NRDC: variants seen among roughly 807,000 people sequenced by gnomAD.
NRDC encodes the protein nardilysin.
Under a neutral mutation model 147.1 loss-of-function variants are expected in NRDC, and 54 were observed. The observed-to-expected ratio is 0.37, with a 90% confidence interval of 0.29 to 0.46. The LOEUF is 0.46. Among genes scored for constraint, NRDC ranks in the 20% least tolerant of loss-of-function variants. NRDC has a pLI of 1.00. For missense variants in NRDC, 1,082 were observed against 1,370.6 expected, an observed-to-expected ratio of 0.79 and a Z score of 3.33; for synonymous variants, 440 against 482.1, an observed-to-expected ratio of 0.91 and a Z score of 1.14.
rs764621807 is a variant in NRDC, at chr1:51,823,791, A to G, written c.1037-5T>C. ...GCTTGAGCGTCTCAGCATTTCCTAT[A>G]AAAGAATGAAAAAAATTATAGATAT... On this transcript the variant is annotated splice_region_variant and splice_polypyrimidine_tract_variant and intron_variant, in intron 6 of 30. Transcript: ENST00000352171. The G allele has an allele frequency of 6.3e-7, 1 of 1,575,894 alleles. No homozygotes were observed. The highest frequency in any genetic ancestry group is 1.8e-5 in the Admixed American group (1 of 54,060).
intron 14 of NRDC, among the ~76,000 whole-genome samples, chr1:51,812,961 C>CAAAAAAAAA (rs5774107): frequency 1.4e-4 from 10 of 71,812 alleles, no homozygotes; most frequent in Non-Finnish European, 1.9e-4. Context: ...GACTCTGTCT[C>CAAAAAAAAA]AAAAAAAAAA....
rs1679423726 is a variant in NRDC at position 51,805,563 on chromosome 1, TAAAAGAA to T, written c.2111-9_2111-3del. On this transcript the variant is annotated splice_region_variant and splice_polypyrimidine_tract_variant and intron_variant, in intron 18 of 30. Transcript: ENST00000352171. ...AAATTAGATGGAAACGTATATATGC[TAAAAGAA>T]AAAAGACCATAGATAAAAAAGGTTA... 1.3e-6 allele frequency: 2 copies of T among 1,570,058 alleles called. No individual in the cohort carries two copies. The highest frequency in any genetic ancestry group is 1.7e-6 in the Non-Finnish European group (2 of 1,163,042).
At chr1:51,805,591 G>T in intron 18 of NRDC, 30 bp from the exon 19 acceptor site, 1 of 1,417,298 alleles carries the variant, frequency 7.1e-7, no homozygotes. Flanking sequence ...AGATAAAAAA[G>T]GTTAGGGGCC....
intron 24 of NRDC, among the ~76,000 whole-genome samples, chr1:51,793,027 C>A (rs1354861544): frequency 6.6e-6 from 1 of 152,198 alleles, no homozygotes; most frequent in Non-Finnish European, 1.5e-5. Context: ...GCAGGTTCCT[C>A]TCACACAGAC....
At position 51,798,503 on chromosome 1, in the gene NRDC, G is replaced by C. The variant is rs1176607906; in HGVS notation, c.2442-92C>G. On this transcript the variant is annotated intron_variant, in intron 21 of 30. Transcript: ENST00000352171. ...AATGTTTGGTCAAAGTTCTATAAAG[G>C]ATGTGTTTCTAAAGAGAGACCATTT... The C allele has an allele frequency of 8.0e-6, 9 of 1,122,192 alleles. No homozygotes were observed. The Admixed American group carries it at 2.1e-4, about 26-fold the overall frequency. The allele number at this position is 1,122,192 out of a possible 1,614,324, so 69.5% of individuals were successfully genotyped here.
At chr1:51,848,859 C>T (rs1209736351) in intron 1 of NRDC, among the ~76,000 whole-genome samples, 1 of 152,138 alleles carries the variant, frequency 6.6e-6, no homozygotes, top group East Asian at 1.9e-4. Flanking sequence ...CAAAAAAGGT[C>T]TGTTATTTGC....
chr1:51,843,809 T>C (rs1681395762), intron 1 of NRDC, among the ~76,000 whole-genome samples: 2 of 150,784 alleles, frequency 1.3e-5, no homozygotes, highest in South Asian at 4.2e-4. Flanking sequence ...TGCAGAATCA[T>C]AGAGAAGCAG....
In NRDC at chr1:51,794,628, T is replaced by G; in HGVS notation, c.2637-18A>C. ...TTAGTTTGCTGCAAGAGAATCAGTA[T>G]GGGTCACTGAGGCACCCAAAAACTA... On this transcript the variant is annotated intron_variant, in intron 23 of 30. Transcript: ENST00000352171. 6.2e-7 allele frequency: 1 copy of G among 1,613,196 alleles called. No homozygotes were observed. Among genetic ancestry groups the G allele is most frequent in the Non-Finnish European group, 8.5e-7 (1 of 1,179,170 alleles).
intron 10 of NRDC, 27 bp downstream of exon 10, chr1:51,818,039 G>C (rs781705141): frequency 4.5e-6 from 7 of 1,555,884 alleles, no homozygotes; most frequent in Non-Finnish European, 5.3e-6. Flanking sequence ...TGGTTCTAAT[G>C]AAGTAAATTT....
Position 51,789,274 on chromosome 1 carries a change from T to G in NRDC, c.3418A>C (p.Thr1140Pro). The part of the protein sequence containing the change: ...PITDIRAFTT[T>P]LNLLPYHKIV... ...TTATGGTAGGGGAGAAGGTTGAGTG[T>G]TGTTGTGAAAGCCCTGATATCAGTA... Residue 1140 changes from threonine to proline, a missense_variant, in exon 31 of 31, where the codon ACA becomes CCA. By Grantham distance (38) the Thr-to-Pro change is conservative. Transcript: ENST00000352171. The G allele has an allele frequency of 1.2e-6, 2 of 1,614,130 alleles. No homozygotes were observed. Among genetic ancestry groups the G allele is most frequent in the South Asian group, 1.1e-5 (1 of 91,088 alleles).
chr1:51,846,711 C>T (rs939503924), intron 1 of NRDC, among the ~76,000 whole-genome samples: 1 of 152,222 alleles, frequency 6.6e-6, no homozygotes, highest in African/African-American at 2.4e-5. Context: ...GATTTATCGC[C>T]AACAGCGATG....
intron 26 of NRDC, 35 bp from the exon 27 acceptor site, chr1:51,791,696 G>A (rs769242547): frequency 6.6e-7 from 1 of 1,518,778 alleles, no homozygotes; most frequent in African/African-American, 1.4e-5. Flanking sequence ...ATGAGCTCAG[G>A]TGATCATCTG....
chr1:51,878,302 T>C lies in NRDC; in HGVS notation c.314A>G (p.Lys105Arg). The C allele has an allele frequency of 6.2e-7, 1 of 1,613,676 alleles. No individual in the cohort carries two copies. Among genetic ancestry groups the C allele is most frequent in the Non-Finnish European group, 8.5e-7 (1 of 1,179,678 alleles). ...LSNAGDPEIVKSPSDPKQYRY... is the reference protein window; with the variant it reads ...LSNAGDPEIVRSPSDPKQYRY... ...GTATTGCTTGGGGTCGCTGGGAGAC[T>C]TGACGATCTCAGGGTCCCCAGCATT... Residue 105 changes from lysine to arginine, a missense_variant, in exon 1 of 31, where the codon AAG (lysine) becomes AGG (arginine). Transcript: ENST00000352171.
rs6684713 is a variant in NRDC at position 51,856,586 on chromosome 1, G to A, written c.342-16072C>T. Among the ~76,000 whole-genome samples the A allele has an allele frequency of 8.0e-3, 1,214 of 152,240 alleles. 16 individuals carry two copies. Among genetic ancestry groups the A allele is most frequent in the African/African-American group, 0.028 (1,160 of 41,536 alleles). On this transcript the variant is annotated intron_variant, in intron 1 of 30. Transcript: ENST00000352171. ...AAAGAGATGCACAGAGTGAGGTATGGGGGAAGGGGCACAGGGCTTCTATGC... is the reference window on the plus strand; with the variant it reads ...AAAGAGATGCACAGAGTGAGGTATGAGGGAAGGGGCACAGGGCTTCTATGC...
chr1:51,872,180 G>C (rs897796727), intron 1 of NRDC, among the ~76,000 whole-genome samples: 3 of 152,116 alleles, frequency 2.0e-5, no homozygotes, highest in Non-Finnish European at 4.4e-5. Context: ...CAGAAAAACA[G>C]AGAGTTTTTT....
intron 1 of NRDC, among the ~76,000 whole-genome samples, chr1:51,871,877 T>C (rs1297751265): frequency 6.6e-6 from 1 of 152,108 alleles, no homozygotes; most frequent in Non-Finnish European, 1.5e-5. Context: ...TGTTTGTTTT[T>C]TGGTTTTCTT....
chr1:51,814,365 A>T lies in NRDC; in HGVS notation c.1619+186T>A, dbSNP rs961493654. ...AAGCGTGAAAATAAAGGGACTGCCC[A>T]CATATGTGTAAAGCCTTAGTATACA... On this transcript the variant is annotated intron_variant, in intron 13 of 30. Coordinates refer to ENST00000352171, the MANE Select transcript of NRDC (RefSeq NM_001101662.2). 3.2e-5 allele frequency: 19 copies of T among 599,202 alleles called. No individual in the cohort carries two copies. In the African/African-American group the frequency reaches 3.3e-4, roughly 11 times the overall value. The allele number at this position is 599,202 out of a possible 1,614,324, so 37.1% of individuals were successfully genotyped here.
chr1:51,810,392 C>T lies in NRDC; in HGVS notation c.1792G>A (p.Ala598Thr), dbSNP rs964231026. The T allele has an allele frequency of 6.2e-7, 1 of 1,611,850 alleles. No homozygotes were observed. Among genetic ancestry groups the T allele is most frequent in the Non-Finnish European group, 8.5e-7 (1 of 1,178,800 alleles). The change falls in exon 16 of 31, where the codon GCC (alanine) becomes ACC (threonine). Residue 598 changes from alanine (A) to threonine (T), a missense_variant. Transcript: ENST00000352171. ...TTTTGAGGAACTAGCTGATTCAAGG[C>T]TTCACCAATGACCTAGTAAAGTGGG... ...FEYKPEVIGE[A>T]LNQLVPQKAN...
At chr1:51,810,563 T>C (rs1302756745) in intron 15 of NRDC, among the ~76,000 whole-genome samples, 159 bp from the exon 16 acceptor site, 1 of 152,216 alleles carries the variant, frequency 6.6e-6, no homozygotes, top group East Asian at 1.9e-4. Flanking sequence ...CTCAACAGTG[T>C]TTCAAAAACT....
Sources: gnomAD v4.1 joint callset for allele counts (sites outside exome capture counted in the v4.1 genomes callset) on GRCh38, gnomAD v4.1.1 for gene constraint, MANE v1.5 for transcripts, NCBI Gene and HGNC (gene_info 2026-07-23, HGNC 2026-07-21) for gene names.